Variants in VWA5B1 observed in about 807,000 individuals in gnomAD.
The protein encoded by VWA5B1 is von Willebrand factor A domain-containing protein 5B1.
VWA5B1 carries 115 observed loss-of-function variants against 118.2 expected under a neutral mutation model. That is an observed-to-expected ratio of 0.97 (90% CI 0.84 to 1.14). VWA5B1 has a LOEUF of 1.14. Ranked by LOEUF, VWA5B1 falls within the 50% of genes most tolerant of loss-of-function variation. VWA5B1 has a pLI of 0.00. For missense variants in VWA5B1, 1,596 were observed against 1,603.8 expected (o/e 1.00, Z 0.08); for synonymous variants, 682 against 658.4 (o/e 1.04, Z -0.55).
intron 1 of VWA5B1, among the ~76,000 whole-genome samples, chr1:20,291,359 T>TTCTTTCTTTCCTTCTCTCTC (rs1381113890): frequency 1.1e-4 from 11 of 103,342 alleles, no homozygotes; most frequent in African/African-American, 4.0e-4. Context: ...CTTTCTTTCT[T>TTCTTTCTTTCCTTCTCTCTC]TCTCTCTCTC....
chr1:20,351,443 G>A (rs2090127719), intron 20 of VWA5B1, among the ~76,000 whole-genome samples: 1 of 152,136 alleles, frequency 6.6e-6, no homozygotes, highest in Non-Finnish European at 1.5e-5. Flanking sequence ...CATAAGGTCA[G>A]GAGTTCGAGA....
Position 20,343,179 on chromosome 1 carries a change from C to T in VWA5B1, c.2412C>T (p.Thr804=). 1.3e-6 allele frequency: 2 copies of T among 1,549,690 alleles called. No individual in the cohort carries two copies. The highest frequency in any genetic ancestry group is 8.7e-7 in the Non-Finnish European group (1 of 1,146,606). Residue 804 remains threonine, a synonymous_variant, in exon 16 of 22, where the codon ACC becomes ACT. Coordinates refer to ENST00000289815, the MANE Select transcript of VWA5B1 (RefSeq NM_001039500.3). The part of the protein sequence containing the change: ...QERASPSRPA[T]PAPVLGKALV... ...GAGCCAGTCCCAGCAGGCCCGCCACCCCGGCCCCGGTGCTGGGCAAGGCCC... is the reference window on the plus strand; with the variant it reads ...GAGCCAGTCCCAGCAGGCCCGCCACTCCGGCCCCGGTGCTGGGCAAGGCCC...
intron 1 of VWA5B1, among the ~76,000 whole-genome samples, chr1:20,298,873 T>G (rs1419853993): frequency 6.6e-6 from 1 of 152,138 alleles, no homozygotes; most frequent in Non-Finnish European, 1.5e-5. Flanking sequence ...CTCTTGCTTC[T>G]GTGGATGTGG....
chr1:20,338,027 G>T (rs1407257216), intron 14 of VWA5B1, 191 bp downstream of exon 14: 1 of 741,174 alleles, frequency 1.3e-6, no homozygotes, highest in Non-Finnish European at 2.4e-6. Flanking sequence ...ACACCCACCG[G>T]TCAATAAGCT....
At chr1:20,313,851 T>C (rs924509767) in intron 3 of VWA5B1, among the ~76,000 whole-genome samples, 3 of 151,580 alleles carry the variant, frequency 2.0e-5, no homozygotes, top group African/African-American at 4.9e-5. Flanking sequence ...TCAAGAGAGG[T>C]TGTGATGATG....
chr1:20,308,016 C>T (rs2088714487), intron 1 of VWA5B1, among the ~76,000 whole-genome samples: 1 of 151,950 alleles, frequency 6.6e-6, no homozygotes, highest in East Asian at 1.9e-4. Context: ...GTTTTTCAAC[C>T]CTTTCCCCAC....
At chr1:20,339,488 G>C (rs1371827057) in intron 14 of VWA5B1, among the ~76,000 whole-genome samples, 1 of 152,210 alleles carries the variant, frequency 6.6e-6, no homozygotes, top group African/African-American at 2.4e-5. Context: ...GTTGCAGTGA[G>C]CTGGGTTGAT....
rs1570254800 is a variant in VWA5B1, at chr1:20,357,869, A to G, written c.*3606A>G. On this transcript the variant is annotated 3_prime_UTR_variant, in exon 22 of 22. Coordinates refer to ENST00000289815, the MANE Select transcript of VWA5B1 (RefSeq NM_001039500.3). ...TGGGTACAGATGACCACAATAGCTCATGGTATTGCACAGCCAGAGGGGAGT... is the reference window on the plus strand; with the variant it reads ...TGGGTACAGATGACCACAATAGCTCGTGGTATTGCACAGCCAGAGGGGAGT... Among the ~76,000 whole-genome samples, 1 of 152,220 alleles carries G rather than the reference A, an allele frequency of 6.6e-6. No homozygotes were observed. The highest frequency in any genetic ancestry group is 1.9e-4 in the East Asian group (1 of 5,166).
chr1:20,292,120 T>C (rs2088320588), intron 1 of VWA5B1, among the ~76,000 whole-genome samples: 1 of 152,008 alleles, frequency 6.6e-6, no homozygotes. Flanking sequence ...CCTCTGTCTC[T>C]CTTTCTCTTT....
At chr1:20,333,612 A>G (rs2089633215) in intron 12 of VWA5B1, among the ~76,000 whole-genome samples, 1 of 152,268 alleles carries the variant, frequency 6.6e-6, no homozygotes, top group South Asian at 2.1e-4. Context: ...TTCAAGAACA[A>G]ATGCACTCAG....
At chr1:20,293,523 C>A (rs2088350985) in intron 1 of VWA5B1, among the ~76,000 whole-genome samples, 1 of 152,218 alleles carries the variant, frequency 6.6e-6, no homozygotes, top group Non-Finnish European at 1.5e-5. Flanking sequence ...CCCTCTACAA[C>A]ACAACCTCCA....
chr1:20,314,316 A>C lies in VWA5B1; in HGVS notation c.293-6A>C. The C allele has an allele frequency of 3.2e-6, 5 of 1,551,646 alleles. No individual in the cohort carries two copies. The highest frequency in any genetic ancestry group is 4.4e-6 in the Non-Finnish European group (5 of 1,146,874). On this transcript the variant is annotated splice_region_variant and splice_polypyrimidine_tract_variant and intron_variant, in intron 3 of 21. Transcript: ENST00000289815. ...GTACAGCCCCTGACGCCAGCCTGGC[A>C]CTTAGGGAACATTCTGCAAGACGGG...
chr1:20,330,988 G>T lies in VWA5B1; in HGVS notation c.1572+5G>T. ...GGGGAGCGGCTGCAACCCAAGGTAG[G>T]CAGCAGAACCCACGCAGTCCCTTCT... On this transcript the variant is annotated splice_donor_5th_base_variant and intron_variant, in intron 11 of 21. Transcript: ENST00000289815. The T allele has an allele frequency of 6.5e-7, 1 of 1,542,912 alleles. No homozygotes were observed. Among genetic ancestry groups the T allele is most frequent in the Non-Finnish European group, 8.8e-7 (1 of 1,142,834 alleles).
intron 19 of VWA5B1, 76 bp from the exon 20 acceptor site, chr1:20,350,781 G>A (rs2090113106): frequency 7.1e-7 from 1 of 1,411,082 alleles, no homozygotes. Flanking sequence ...CTAGGCCTCT[G>A]TTCCCCCAGT....
chr1:20,292,482 G>A (rs1240613936), intron 1 of VWA5B1, among the ~76,000 whole-genome samples: 1 of 152,254 alleles, frequency 6.6e-6, no homozygotes, highest in Non-Finnish European at 1.5e-5. Flanking sequence ...GTGTGTGTAA[G>A]GGGATTACCT....
chr1:20,291,847 T>C (rs568011782), intron 1 of VWA5B1, among the ~76,000 whole-genome samples: 10 of 152,312 alleles, frequency 6.6e-5, no homozygotes, highest in African/African-American at 2.2e-4. Context: ...GCGGGTGCAG[T>C]GTGGCGCCTG....
chr1:20,305,319 G>A (rs942108712), intron 1 of VWA5B1, among the ~76,000 whole-genome samples: 6 of 152,070 alleles, frequency 3.9e-5, no homozygotes, highest in Non-Finnish European at 8.8e-5. Context: ...GCTGACATGC[G>A]GGATCAAGGG....
chr1:20,354,451 T>C lies in VWA5B1; in HGVS notation c.*188T>C. ...TTGCTACCATCCAGCCATGCAACTT[T>C]AGGCCAGTGCCTGCCCCCGTCTGGG... is the stretch of plus-strand genomic sequence containing the variant. On this transcript the variant is annotated 3_prime_UTR_variant, in exon 22 of 22. Coordinates refer to ENST00000289815, the MANE Select transcript of VWA5B1 (RefSeq NM_001039500.3). The C allele has an allele frequency of 1.4e-6, 1 of 706,122 alleles. No individual in the cohort carries two copies. Among genetic ancestry groups the C allele is most frequent in the Non-Finnish European group, 2.3e-6 (1 of 438,336 alleles). The allele number at this position is 706,122 out of a possible 1,614,324, so 43.7% of individuals were successfully genotyped here.
At chr1:20,338,053 C>T (rs1440196943) in intron 14 of VWA5B1, 3 of 695,690 alleles carry the variant, frequency 4.3e-6, no homozygotes, top group Non-Finnish European at 7.9e-6. Flanking sequence ...ATTCCCTGCA[C>T]ACACACTGCC....
Sources: gnomAD v4.1 joint callset for allele counts (sites outside exome capture counted in the v4.1 genomes callset) on GRCh38, gnomAD v4.1.1 for gene constraint, MANE v1.5 for transcripts, NCBI Gene and HGNC (gene_info 2026-07-23, HGNC 2026-07-21) for gene names.